The following PCED1B variants were observed in gnomAD, a reference collection of about 807,000 sequenced individuals.
PCED1B encodes the protein PC-esterase domain-containing protein 1B.
For missense variants in PCED1B, 573 were observed against 573.9 expected (o/e 1.00, Z 0.02); for synonymous variants, 251 against 246.1 (o/e 1.02, Z -0.19).
At chr12:47,153,627 A>C (rs1941085357) in intron 2 of PCED1B, among the ~76,000 whole-genome samples, 1 of 152,016 alleles carries the variant, frequency 6.6e-6, no homozygotes, top group South Asian at 2.1e-4. Context: ...TCCATAACTA[A>C]ACTTTGAACC....
intron 1 of PCED1B, among the ~76,000 whole-genome samples, chr12:47,089,461 C>CATGTATGTATAT (rs1233280547): frequency 1.6e-5 from 1 of 63,398 alleles, no homozygotes; most frequent in Non-Finnish European, 2.9e-5. Context: ...AAAAAAAATA[C>CATGTATGTATAT]ATATATATAT....
At chr12:47,189,960 C>T (rs1446553730) in intron 2 of PCED1B, among the ~76,000 whole-genome samples, 1 of 152,160 alleles carries the variant, frequency 6.6e-6, no homozygotes, top group African/African-American at 2.4e-5. Flanking sequence ...CAGCCCTGCT[C>T]GGCTCCTCCC....
At chr12:47,180,172 TGTAA>T (rs758507940) in intron 2 of PCED1B, among the ~76,000 whole-genome samples, 6 of 152,156 alleles carry the variant, frequency 3.9e-5, no homozygotes, top group Non-Finnish European at 8.8e-5. Flanking sequence ...ACCTCCCACT[TGTAA>T]GTGAGAACAT....
At chr12:47,089,376 G>A (rs763995347) in intron 1 of PCED1B, among the ~76,000 whole-genome samples, 1 of 149,076 alleles carries the variant, frequency 6.7e-6, no homozygotes, top group African/African-American at 2.5e-5. Flanking sequence ...GAACCCGGGT[G>A]GCGGGGCTTG....
intron 2 of PCED1B, among the ~76,000 whole-genome samples, chr12:47,200,991 T>G (rs970118162): frequency 1.3e-5 from 2 of 152,184 alleles, no homozygotes; most frequent in Admixed American, 1.3e-4. Flanking sequence ...TTGATACTGT[T>G]GTACCTGAGT....
intron 1 of PCED1B, among the ~76,000 whole-genome samples, chr12:47,086,212 C>T (rs895648855): frequency 6.6e-6 from 1 of 152,066 alleles, no homozygotes; most frequent in Non-Finnish European, 1.5e-5. Flanking sequence ...TGAGTCCTCC[C>T]CGATGGCACA....
intron 2 of PCED1B, among the ~76,000 whole-genome samples, chr12:47,153,306 C>T (rs1476525672): frequency 1.4e-5 from 2 of 142,490 alleles, no homozygotes; most frequent in Non-Finnish European, 3.0e-5. Context: ...GCAGAGATTG[C>T]ACCACTGCAC....
At chr12:47,230,660 T>A (rs2137892904) in intron 3 of PCED1B, among the ~76,000 whole-genome samples, 1 of 152,192 alleles carries the variant, frequency 6.6e-6, no homozygotes, top group Non-Finnish European at 1.5e-5. Context: ...CAGGCTGGTC[T>A]TGAACTCCTG....
At chr12:47,216,742 T>C (rs898968399) in intron 3 of PCED1B, 53 bp downstream of exon 3, 4 of 152,398 alleles carry the variant, frequency 2.6e-5, no homozygotes, top group Non-Finnish European at 4.4e-5. Context: ...TTGGCATTTC[T>C]GACCAGCCTT....
At chr12:47,081,163 G>A (rs1188954420) in intron 1 of PCED1B, among the ~76,000 whole-genome samples, 1 of 152,190 alleles carries the variant, frequency 6.6e-6, no homozygotes, top group Non-Finnish European at 1.5e-5. Flanking sequence ...CGGATTAAAA[G>A]AAATAAATTA....
At chr12:47,086,938 A>C (rs1938015668) in intron 1 of PCED1B, among the ~76,000 whole-genome samples, 1 of 152,244 alleles carries the variant, frequency 6.6e-6, no homozygotes, top group Admixed American at 6.5e-5. Flanking sequence ...AATTATTCAA[A>C]GTAATATCTA....
At chr12:47,124,589 G>A (rs894946656) in intron 2 of PCED1B, among the ~76,000 whole-genome samples, 16 of 151,376 alleles carry the variant, frequency 1.1e-4, no homozygotes, top group African/African-American at 1.7e-4. Flanking sequence ...AGATAAGTAC[G>A]AGTGGAATGG....
chr12:47,229,227 AC>A (rs942747865), intron 3 of PCED1B, among the ~76,000 whole-genome samples: 2 of 152,068 alleles, frequency 1.3e-5, no homozygotes, highest in Non-Finnish European at 2.9e-5. Flanking sequence ...CAGCTGGCCA[AC>A]ATGGTGAAAC....
At chr12:47,156,620 C>T (rs747312762) in intron 2 of PCED1B, among the ~76,000 whole-genome samples, 2 of 152,000 alleles carry the variant, frequency 1.3e-5, no homozygotes, top group Non-Finnish European at 1.5e-5. Flanking sequence ...CTAGCCCCAA[C>T]TCCTACTTCT....
At position 47,169,815 on chromosome 12, in the gene PCED1B, G is replaced by T. The variant is rs146220014; in HGVS notation, c.-525-46407G>T. Reference sequence around the variant, plus strand: ...GGCTGCAGTGAACTATTATCATGCCGCTGTATTTCAGCTTGGGCAACAAAG... The same window carrying T: ...GGCTGCAGTGAACTATTATCATGCCTCTGTATTTCAGCTTGGGCAACAAAG... On this transcript the variant is annotated intron_variant, in intron 2 of 3. Coordinates refer to ENST00000546455, the MANE Select transcript of PCED1B (RefSeq NM_138371.3). 3.8e-3 allele frequency among the ~76,000 whole-genome samples: 564 copies of T among 148,278 alleles called. 1 individual carries two copies. Among genetic ancestry groups the T allele is most frequent in the African/African-American group, 0.013 (521 of 40,052 alleles).
intron 2 of PCED1B, among the ~76,000 whole-genome samples, chr12:47,123,423 A>AT (rs145072536): frequency 5.9e-5 from 9 of 152,076 alleles, no homozygotes; most frequent in African/African-American, 2.2e-4. Context: ...AAGGTGCTTA[A>AT]TTTTTTTATG....
intron 2 of PCED1B, among the ~76,000 whole-genome samples, chr12:47,128,459 T>G (rs1939987971): frequency 6.6e-6 from 1 of 151,954 alleles, no homozygotes; most frequent in South Asian, 2.1e-4. Flanking sequence ...AGTGTTAAGG[T>G]GTCATGGAGA....
intron 2 of PCED1B, among the ~76,000 whole-genome samples, chr12:47,191,951 G>C (rs760771162): frequency 1.1e-4 from 16 of 151,962 alleles, no homozygotes; most frequent in Admixed American, 9.2e-4. Context: ...CTAACATGGC[G>C]CTTGCCACAG....
intron 3 of PCED1B, among the ~76,000 whole-genome samples, chr12:47,219,157 A>G (rs890600193): frequency 6.6e-6 from 1 of 152,008 alleles, no homozygotes; most frequent in African/African-American, 2.4e-5. Flanking sequence ...CAAAAATAAA[A>G]AAGTTTCTTT....
Sources: allele counts gnomAD v4.1 joint callset (sites outside exome capture counted in the v4.1 genomes callset), GRCh38; gene constraint gnomAD v4.1.1; transcripts MANE v1.5; gene names NCBI Gene and HGNC (gene_info 2026-07-23, HGNC 2026-07-21).